The following PCDHA5 variants were observed in gnomAD, a reference collection of about 807,000 sequenced individuals.
PCDHA5 encodes protocadherin alpha-5.
Under a neutral mutation model 61.6 loss-of-function variants are expected in PCDHA5, and 43 were observed. The ratio of observed to expected loss-of-function variants is 0.70; its 90% CI spans 0.55 to 0.90. The LOEUF (loss-of-function observed/expected upper bound fraction) is 0.90, where lower values mean the gene tolerates loss of function less well. Among genes scored for constraint, PCDHA5 ranks in the 40% least tolerant of loss-of-function variants. The probability of loss-of-function intolerance (pLI) is 0.00; values close to 1 mark genes in which losing one functional copy is unlikely to be tolerated. For synonymous variants in PCDHA5, 627 were observed against 543.9 expected (o/e 1.15, Z -2.13); for missense variants, 1,298 against 1,222.7 (o/e 1.06, Z -0.92).
chr5:140,976,023 A>C (rs907977893), intron 1 of PCDHA5, among the ~76,000 whole-genome samples: 1 of 152,206 alleles, frequency 6.6e-6, no homozygotes, highest in Non-Finnish European at 1.5e-5. Flanking sequence ...AAATAATCAC[A>C]GTTATTTCAA....
intron 1 of PCDHA5, chr5:140,929,159 A>C (rs781818133): frequency 1.2e-6 from 2 of 1,613,968 alleles, no homozygotes; most frequent in African/African-American, 1.3e-5. Context: ...ACTTATCTCT[A>C]TCGGGCCTCT....
At chr5:140,828,808 T>G (rs2150159222) in intron 1 of PCDHA5, 1 of 1,614,144 alleles carries the variant, frequency 6.2e-7, no homozygotes, top group East Asian at 2.2e-5. Context: ...ATGATAATGC[T>G]CCCACTTTCG....
chr5:140,859,326 A>G (rs2045811679), intron 1 of PCDHA5: 1 of 227,460 alleles, frequency 4.4e-6, no homozygotes, highest in East Asian at 1.7e-4. Context: ...GTTTGAGGAG[A>G]AAATAAAATT....
intron 1 of PCDHA5, among the ~76,000 whole-genome samples, chr5:140,831,917 A>T (rs2150198247): frequency 0.034 from 5,232 of 152,270 alleles, 320 homozygotes; most frequent in African/African-American, 0.12. Flanking sequence ...TGCTTAAAAA[A>T]TTTGCTACTA....
intron 1 of PCDHA5, among the ~76,000 whole-genome samples, chr5:140,826,211 A>C (rs1554130497): frequency 2.0e-5 from 3 of 152,244 alleles, no homozygotes; most frequent in Non-Finnish European, 4.4e-5. Context: ...CATTTTAAAA[A>C]ATCAAGTTTT....
At chr5:140,881,358 T>A in intron 1 of PCDHA5, 1 of 985,286 alleles carries the variant, frequency 1.0e-6, no homozygotes, top group Non-Finnish European at 1.2e-6. Flanking sequence ...AATGCGTGGC[T>A]TTCGTATGAA....
chr5:140,931,993 T>C (rs1350907359), intron 1 of PCDHA5, among the ~76,000 whole-genome samples: 8 of 152,090 alleles, frequency 5.3e-5, no homozygotes, highest in Admixed American at 3.3e-4. Context: ...GCTCAAATTC[T>C]AAGTTCTTTC....
Position 140,851,830 on chromosome 5 carries a change from T to A in PCDHA5, c.2352+27703T>A, listed in dbSNP as rs565233003. The A allele has an allele frequency of 1.6e-4, 153 of 967,896 alleles. 10 individuals carry two copies. In the African/African-American group the frequency reaches 2.0e-3, roughly 13 times the overall value. 60.0% of individuals were successfully genotyped at this position (967,896 alleles called of 1,614,324 possible). On this transcript the variant is annotated intron_variant, in intron 1 of 3. Transcript: ENST00000529859. ...TCCATAAGACAGAAATCTGTTTTTT[T>A]AAAAATATCTTTTTCTCCTCTCAGC...
chr5:140,971,845 G>A (rs370364575), intron 1 of PCDHA5, among the ~76,000 whole-genome samples: 4 of 152,052 alleles, frequency 2.6e-5, no homozygotes, highest in Admixed American at 6.5e-5. Context: ...CAAGTCATGC[G>A]TTAAATATTT....
At chr5:140,863,749 G>A (rs1346198553) in intron 1 of PCDHA5, 2 of 245,258 alleles carry the variant, frequency 8.2e-6, no homozygotes, top group African/African-American at 2.2e-5. Context: ...TTGTAATCCC[G>A]GCACTTTGGG....
intron 3 of PCDHA5, among the ~76,000 whole-genome samples, chr5:140,985,689 C>A (rs1237077456): frequency 6.6e-6 from 1 of 151,906 alleles, no homozygotes; most frequent in African/African-American, 2.4e-5. Flanking sequence ...TTACGCTAAT[C>A]CTCGTTCATA....
intron 1 of PCDHA5, among the ~76,000 whole-genome samples, chr5:140,832,941 C>G (rs1455354845): frequency 1.3e-5 from 2 of 152,044 alleles, no homozygotes; most frequent in Non-Finnish European, 2.9e-5. Flanking sequence ...AAGAGAGTAA[C>G]TTAAGTGAGT....
intron 1 of PCDHA5, chr5:140,869,699 C>T (rs10071369): frequency 6.2e-7 from 1 of 1,613,378 alleles, no homozygotes; most frequent in East Asian, 2.2e-5. Context: ...TTAAAGAAGT[C>T]TCTGGATAGA....
chr5:140,910,715 A>C (rs2075137767), intron 1 of PCDHA5, among the ~76,000 whole-genome samples: 1 of 152,118 alleles, frequency 6.6e-6, no homozygotes, highest in Admixed American at 6.5e-5. Flanking sequence ...GCCATCTTTT[A>C]ATCCATATTT....
chr5:140,963,238 A>G (rs1347398946), intron 1 of PCDHA5, among the ~76,000 whole-genome samples: 1 of 152,090 alleles, frequency 6.6e-6, no homozygotes, highest in Non-Finnish European at 1.5e-5. Context: ...TGTTTGATGG[A>G]TTAGGTAGGT....
chr5:140,918,899 C>G (rs2078917474), intron 1 of PCDHA5, among the ~76,000 whole-genome samples: 1 of 152,206 alleles, frequency 6.6e-6, no homozygotes, highest in African/African-American at 2.4e-5. Context: ...AAATAAATCT[C>G]TCTTGTTTAT....
At position 140,853,027 on chromosome 5, in the gene PCDHA5, T is replaced by C. The variant is rs2150527386; in HGVS notation, c.2352+28900T>C. The C allele has an allele frequency of 3.8e-4, 97 of 255,546 alleles. 3 individuals are homozygous for C. Among genetic ancestry groups the C allele is most frequent in the Non-Finnish European group, 5.7e-4 (88 of 155,318 alleles). 15.8% of individuals were successfully genotyped at this position (255,546 alleles called of 1,614,324 possible). Reference sequence around the variant, plus strand: ...CCGAGTAGCTGGGACTACAGGCGCCTGCCACCATGCCCGCCTAATTTTTTT... The same window carrying C: ...CCGAGTAGCTGGGACTACAGGCGCCCGCCACCATGCCCGCCTAATTTTTTT... On this transcript the variant is annotated intron_variant, in intron 1 of 3. Coordinates refer to ENST00000529859, the MANE Select transcript of PCDHA5 (RefSeq NM_018908.3).
In PCDHA5 at chr5:140,870,834, C is replaced by T. The variant is rs370941881; in HGVS notation, c.2352+46707C>T. ...CTGGCAGCGCGGGAGGCGCAGTTAA[C>T]AAGCTAGTACCGCGGTCGGTGGGTG... On this transcript the variant is annotated intron_variant, in intron 1 of 3. Transcript: ENST00000529859. 184 of 1,613,806 alleles carry T rather than the reference C, an allele frequency of 1.1e-4. 2 individuals are homozygous for T. In the South Asian group the frequency reaches 1.5e-3, roughly 13 times the overall value.
chr5:140,857,412 C>T lies in PCDHA5; in HGVS notation c.2352+33285C>T, dbSNP rs782751627. On this transcript the variant is annotated intron_variant, in intron 1 of 3. Transcript: ENST00000529859. ...GTGAACGACAACGCGCCTGCGTTCGCGCAGTCCGAGTACACGGTGTTCGTG... is the reference window on the plus strand; with the variant it reads ...GTGAACGACAACGCGCCTGCGTTCGTGCAGTCCGAGTACACGGTGTTCGTG... 19 of 1,598,336 alleles carry T rather than the reference C, an allele frequency of 1.2e-5. 1 individual carries two copies. Among genetic ancestry groups the T allele is most frequent in the Non-Finnish European group, 1.4e-5 (16 of 1,167,836 alleles).
Sources: allele counts gnomAD v4.1 joint callset (sites outside exome capture counted in the v4.1 genomes callset), GRCh38; gene constraint gnomAD v4.1.1; transcripts MANE v1.5; gene names NCBI Gene and HGNC (gene_info 2026-07-23, HGNC 2026-07-21).